The following MED17 variants were observed in gnomAD, a reference collection of about 807,000 sequenced individuals.
MED17 encodes the protein mediator complex subunit 17, also known as mediator of RNA polymerase II transcription subunit 17.
Under a neutral mutation model 80.8 loss-of-function variants are expected in MED17, and 49 were observed. That is an observed-to-expected ratio of 0.61 (90% CI 0.48 to 0.77). The LOEUF (loss-of-function observed/expected upper bound fraction) is 0.77, where lower values mean the gene tolerates loss of function less well. MED17 is among the 30% of genes least tolerant of loss of function. The probability of loss-of-function intolerance (pLI) is 0.00; values close to 1 mark genes in which losing one functional copy is unlikely to be tolerated. For missense variants in MED17, 718 were observed against 787.0 expected (o/e 0.91, Z 1.05); for synonymous variants, 281 against 280.4 (o/e 1.00, Z -0.02).
chr11:93,807,643 T>C lies in MED17; in HGVS notation c.1584+8T>C. ...GATTTTCTTCTGTCTCAGGTAACAGTTGCAGATTTTGTCTTAAGCCCCCTT... is the reference window on the plus strand; with the variant it reads ...GATTTTCTTCTGTCTCAGGTAACAGCTGCAGATTTTGTCTTAAGCCCCCTT... On this transcript the variant is annotated splice_region_variant and intron_variant, in intron 10 of 11. Coordinates refer to ENST00000251871, the MANE Select transcript of MED17 (RefSeq NM_004268.5). 1 of 1,514,210 alleles carries C rather than the reference T, an allele frequency of 6.6e-7. No homozygotes were observed. The allele number at this position is 1,514,210 out of a possible 1,614,324, so 93.8% of individuals were successfully genotyped here.
intron 8 of MED17, 137 bp downstream of exon 8, chr11:93,797,856 G>A (rs574280935): frequency 1.6e-4 from 119 of 756,846 alleles, no homozygotes; most frequent in African/African-American, 1.6e-3. Context: ...GTTTATTTGC[G>A]GTCATAGACT....
intron 9 of MED17, chr11:93,806,093 C>T (rs934318126): frequency 6.7e-6 from 1 of 148,734 alleles, no homozygotes; most frequent in African/African-American, 2.5e-5. Context: ...GCAATTCTGC[C>T]TCAGCCTCCC....
chr11:93,794,892 ATTTC>A lies in MED17; in HGVS notation c.860-13_860-10del. ...ATATGGTTAGATAATTGATACATAT[ATTTC>A]TTGTCTTTCAGGTTCCCCACATTGG... On this transcript the variant is annotated splice_polypyrimidine_tract_variant and intron_variant, in intron 5 of 11. Transcript: ENST00000251871. 6.2e-7 allele frequency: 1 copy of A among 1,613,312 alleles called. No individual in the cohort carries two copies. The highest frequency in any genetic ancestry group is 8.5e-7 in the Non-Finnish European group (1 of 1,179,234).
intron 1 of MED17, among the ~76,000 whole-genome samples, chr11:93,786,522 A>G (rs1237125760): frequency 4.6e-5 from 7 of 150,920 alleles, no homozygotes; most frequent in Non-Finnish European, 1.0e-4. Flanking sequence ...GCTGGAGTGC[A>G]GTGGTGCAAT....
intron 9 of MED17, 50 bp from the exon 10 acceptor site, chr11:93,807,468 T>C (rs1459031296): frequency 5.2e-6 from 5 of 954,498 alleles, no homozygotes; most frequent in Non-Finnish European, 8.6e-6. Flanking sequence ...TATGAAATTG[T>C]ATAAGATAAT....
intron 9 of MED17, among the ~76,000 whole-genome samples, chr11:93,803,999 G>GTATATATATATATA (rs1166820708): frequency 2.1e-3 from 56 of 27,022 alleles, no homozygotes; most frequent in South Asian, 3.2e-3. Flanking sequence ...ATATGTGTGT[G>GTATATATATATATA]TATATATATA....
At chr11:93,809,551 C>T (rs1261081147) in intron 10 of MED17, 166 bp from the exon 11 acceptor site, 4 of 714,994 alleles carry the variant, frequency 5.6e-6, no homozygotes, top group African/African-American at 5.2e-5. Context: ...AGGTGGAGTC[C>T]TATTCCCTCC....
intron 3 of MED17, chr11:93,793,069 C>G (rs1249623825): frequency 6.6e-6 from 1 of 150,586 alleles, no homozygotes; most frequent in Non-Finnish European, 1.5e-5. Context: ...AGGCTAAGCT[C>G]CAGAAGTATT....
chr11:93,812,820 TCCTCAGAAAGGA>T lies in MED17; in HGVS notation c.*758_*769del, dbSNP rs1014424014. On this transcript the variant is annotated 3_prime_UTR_variant, in exon 12 of 12. Coordinates refer to ENST00000251871, the MANE Select transcript of MED17 (RefSeq NM_004268.5). ...AACCTACATAGGTAATTTAAGAACATCCTCAGAAAGGACAGCTGAAGGCAATAGGAGGCAGAT... is the reference window on the plus strand; with the variant it reads ...AACCTACATAGGTAATTTAAGAACATCAGCTGAAGGCAATAGGAGGCAGAT... 14 of 152,268 alleles carry T rather than the reference TCCTCAGAAAGGA, an allele frequency of 9.2e-5. No individual in the cohort carries two copies. The highest frequency in any genetic ancestry group is 2.9e-4 in the African/African-American group (12 of 41,454). 9.4% of individuals were successfully genotyped at this position (152,268 alleles called of 1,614,324 possible).
intron 5 of MED17, 105 bp from the exon 6 acceptor site, chr11:93,794,803 T>G (rs1343761369): frequency 8.3e-7 from 1 of 1,202,424 alleles, no homozygotes; most frequent in Non-Finnish European, 1.2e-6. Context: ...TATACCGTAA[T>G]GTAGTGTTTT....
chr11:93,788,286 T>A, intron 2 of MED17, 119 bp downstream of exon 2: 1 of 814,942 alleles, frequency 1.2e-6, no homozygotes, highest in South Asian at 1.6e-5. Flanking sequence ...AGATGAAGAT[T>A]TAAAGACTAA....
chr11:93,788,222 C>G, intron 2 of MED17, 55 bp downstream of exon 2: 1 of 1,484,204 alleles, frequency 6.7e-7, no homozygotes, highest in Non-Finnish European at 9.2e-7. Context: ...TCCCAGGACC[C>G]TTTTTTGGCT....
At chr11:93,797,748 G>C in intron 8 of MED17, 29 bp downstream of exon 8, 3 of 1,587,194 alleles carry the variant, frequency 1.9e-6, no homozygotes, top group Non-Finnish European at 2.6e-6. Flanking sequence ...ACTGTTTTCT[G>C]TTTTTTCTTT....
At chr11:93,801,089 T>G (rs1943956937) in intron 8 of MED17, 2 of 152,246 alleles carry the variant, frequency 1.3e-5, no homozygotes, top group Admixed American at 1.3e-4. Flanking sequence ...GGTTTTTGGC[T>G]CTGGATTTAG....
chr11:93,807,728 TG>T, intron 10 of MED17, 93 bp downstream of exon 10: 1 of 863,418 alleles, frequency 1.2e-6, no homozygotes, highest in Non-Finnish European at 2.0e-6. Flanking sequence ...TAATAAATTG[TG>T]TAAGAAGAAA....
At chr11:93,790,091 C>T (rs1943817138) in intron 2 of MED17, among the ~76,000 whole-genome samples, 1 of 152,168 alleles carries the variant, frequency 6.6e-6, no homozygotes, top group Admixed American at 6.5e-5. Context: ...TGCAGTCATT[C>T]ATTCATTCAT....
At chr11:93,797,334 C>G (rs778720106) in intron 7 of MED17, 1 of 571,644 alleles carries the variant, frequency 1.7e-6, no homozygotes, top group Non-Finnish European at 3.1e-6. Context: ...AAAAAAGTTA[C>G]AGCTTGAGAG....
rs150261406 is a variant in MED17 at position 93,809,797 on chromosome 11, G to A, written c.1665G>A (p.Val555=). The A allele has an allele frequency of 3.2e-5, 52 of 1,614,062 alleles. No homozygotes were observed. Among genetic ancestry groups the A allele is most frequent in the Non-Finnish European group, 4.4e-5 (52 of 1,180,046 alleles). Residue 555 remains valine (V), a synonymous_variant, in exon 11 of 12, where the codon GTG becomes GTA. Transcript: ENST00000251871. ...GWQVLSFSNH[V]GLGPIESIGN... ...AAGTACTGAGCTTCAGTAATCATGT[G>A]GGACTTGGACCTATAGAGAGCATTG...
At chr11:93,788,334 A>T (rs1437484866) in intron 2 of MED17, 167 bp downstream of exon 2, 6 of 603,676 alleles carry the variant, frequency 9.9e-6, no homozygotes, top group Non-Finnish European at 1.7e-5. Flanking sequence ...CATTTCCTTT[A>T]TTTTTTTATT....
Sources: allele counts gnomAD v4.1 joint callset (sites outside exome capture counted in the v4.1 genomes callset), GRCh38; gene constraint gnomAD v4.1.1; transcripts MANE v1.5; gene names NCBI Gene and HGNC (gene_info 2026-07-23, HGNC 2026-07-21).